Variants in TRIM36 observed in about 807,000 individuals in gnomAD.
TRIM36 encodes E3 ubiquitin-protein ligase TRIM36.
In TRIM36, 42 loss-of-function variants were observed where a neutral mutation model predicts 72.4. That is an observed-to-expected ratio of 0.58 (90% CI 0.45 to 0.75). The LOEUF is 0.75. TRIM36 is among the 30% of genes least tolerant of loss of function. The pLI, the probability that TRIM36 is intolerant of heterozygous loss-of-function variation, is 0.00. For synonymous variants in TRIM36, 315 were observed against 282.8 expected (o/e 1.11, Z -1.14); for missense variants, 913 against 857.1 (o/e 1.07, Z -0.81).
rs1020795807 is a variant in TRIM36 at position 115,163,465 on chromosome 5, A to G, written c.262+53T>C. On this transcript the variant is annotated intron_variant, in intron 2 of 9. Coordinates refer to ENST00000513154, the MANE Select transcript of TRIM36 (RefSeq NM_001300759.2). ...TTTCCTTCCAGTTACCACTGAATAT[A>G]TATCTATAAGCTTACCCCCACTACC... 1.0e-5 allele frequency: 15 copies of G among 1,457,904 alleles called. No individual in the cohort carries two copies. In the Admixed American group the frequency reaches 2.4e-4, roughly 23 times the overall value. 90.3% of individuals were successfully genotyped at this position (1,457,904 alleles called of 1,614,324 possible).
upstream of TRIM36, chr5:115,170,976 G>T: frequency 7.2e-7 from 1 of 1,389,174 alleles, no homozygotes. Context: ...ATTAATTTAG[G>T]ATTATTAGAT....
intron 1 of TRIM36, among the ~76,000 whole-genome samples, chr5:115,176,189 C>T (rs141246282): frequency 0.013 from 1,938 of 152,220 alleles, 33 homozygotes; most frequent in Non-Finnish European, 0.018. Flanking sequence ...CATTATCACC[C>T]CAGTTTAGAT....
At position 115,125,645 on chromosome 5, in the gene TRIM36, T is replaced by A. The variant is rs1016322925; in HGVS notation, c.*858A>T. 11 of 152,070 alleles carry A rather than the reference T, an allele frequency of 7.2e-5. No homozygotes were observed. Among genetic ancestry groups the A allele is most frequent in the African/African-American group, 2.4e-4 (10 of 41,446 alleles). 9.4% of individuals were successfully genotyped at this position (152,070 alleles called of 1,614,324 possible). ...GGGGGTAAAAGAATAAATATGACTT[T>A]TAATATCAGTCCATCTTTACCAATA... is the stretch of plus-strand genomic sequence containing the variant. On this transcript the variant is annotated 3_prime_UTR_variant, in exon 10 of 10. Transcript: ENST00000513154.
chr5:115,151,032 G>T (rs926742074), intron 2 of TRIM36, among the ~76,000 whole-genome samples: 2 of 152,180 alleles, frequency 1.3e-5, no homozygotes, highest in African/African-American at 4.8e-5. Context: ...AAGCCTCCTG[G>T]CCACAACTTG....
Position 115,169,679 on chromosome 5 carries a change from C to T in TRIM36, c.-45G>A. 1 of 1,514,282 alleles carries T rather than the reference C, an allele frequency of 6.6e-7. No homozygotes were observed. The highest frequency in any genetic ancestry group is 1.2e-5 in the South Asian group (1 of 80,798). 93.8% of individuals were successfully genotyped at this position (1,514,282 alleles called of 1,614,324 possible). A position where few individuals can be genotyped will look rare whatever the true frequency, so the allele number is the denominator to read the frequency against. On this transcript the variant is annotated 5_prime_UTR_variant, in exon 1 of 10. It adds an upstream start codon to the 5' untranslated region. Transcript: ENST00000513154. ...TCATCAGCGGCACGTTCCACTCACACCGGCTACCGAGCGCAGGGTCTGGTG... is the reference window on the plus strand; with the variant it reads ...TCATCAGCGGCACGTTCCACTCACATCGGCTACCGAGCGCAGGGTCTGGTG...
chr5:115,170,086 G>C, upstream of TRIM36: 1 of 613,802 alleles, frequency 1.6e-6, no homozygotes, highest in Non-Finnish European at 2.1e-6. Context: ...GCGTGGGTGT[G>C]GCACGCGGTT....
intron 3 of TRIM36, among the ~76,000 whole-genome samples, chr5:115,145,278 A>C (rs79323652): frequency 0.014 from 2,126 of 152,280 alleles, 53 homozygotes; most frequent in African/African-American, 0.049. Context: ...AAATGCACTG[A>C]CCAAATTTGG....
chr5:115,169,222 C>G, intron 1 of TRIM36: 1 of 203,124 alleles, frequency 4.9e-6, no homozygotes, highest in Non-Finnish European at 9.8e-6. Context: ...GACGCCTAGA[C>G]AAAGGGCGGC....
At chr5:115,143,065 CACAA>C (rs1441957764) in intron 4 of TRIM36, among the ~76,000 whole-genome samples, 1 of 151,936 alleles carries the variant, frequency 6.6e-6, no homozygotes, top group Admixed American at 6.6e-5. Context: ...ACTCCAGAGA[CACAA>C]ACAGTCTCCC....
rs931421716 is a variant in TRIM36, at chr5:115,126,420, C to T, written c.*83G>A. 20 of 1,084,472 alleles carry T rather than the reference C, an allele frequency of 1.8e-5. No homozygotes were observed. The highest frequency in any genetic ancestry group is 1.1e-4 in the African/African-American group (7 of 63,528). 67.2% of individuals were successfully genotyped at this position (1,084,472 alleles called of 1,614,324 possible). A position where few individuals can be genotyped will look rare whatever the true frequency, so the allele number is the denominator to read the frequency against. On this transcript the variant is annotated 3_prime_UTR_variant, in exon 10 of 10. Coordinates refer to ENST00000513154, the MANE Select transcript of TRIM36 (RefSeq NM_001300759.2). Reference sequence around the variant, plus strand: ...ACAAGTGGGGTGACAGAACACTCAGCGATATGTAATTAGTTACGAAGGTTA... The same window carrying T: ...ACAAGTGGGGTGACAGAACACTCAGTGATATGTAATTAGTTACGAAGGTTA...
intron 2 of TRIM36, among the ~76,000 whole-genome samples, chr5:115,156,032 C>G (rs530529308): frequency 5.3e-5 from 8 of 152,138 alleles, no homozygotes; most frequent in African/African-American, 1.9e-4. Flanking sequence ...AGAATCAAAT[C>G]AATAACTCAA....
upstream of TRIM36, chr5:115,169,919 G>T (rs533944331): frequency 8.4e-5 from 107 of 1,281,076 alleles, no homozygotes; most frequent in Non-Finnish European, 9.7e-5. Flanking sequence ...GGCTGGGAAC[G>T]GCGCCGCGCA....
At chr5:115,178,501 C>G (rs546715015) in intron 1 of TRIM36, among the ~76,000 whole-genome samples, 1 of 152,140 alleles carries the variant, frequency 6.6e-6, no homozygotes, top group Non-Finnish European at 1.5e-5. Context: ...CTTATCAGGA[C>G]TTCTCTTCCC....
At chr5:115,161,338 T>G (rs1318759653) in intron 2 of TRIM36, among the ~76,000 whole-genome samples, 5 of 152,220 alleles carry the variant, frequency 3.3e-5, no homozygotes, top group African/African-American at 9.7e-5. Flanking sequence ...AGAACTTCAG[T>G]GCTGGAGATA....
chr5:115,163,836 T>G, intron 1 of TRIM36, 84 bp from the exon 2 acceptor site: 1 of 1,033,354 alleles, frequency 9.7e-7, no homozygotes, highest in Middle Eastern at 2.1e-4. Flanking sequence ...AGTACATGTG[T>G]TTATTTTTCC....
intron 2 of TRIM36, among the ~76,000 whole-genome samples, chr5:115,154,459 A>G (rs1382355082): frequency 6.6e-6 from 1 of 152,224 alleles, no homozygotes; most frequent in Non-Finnish European, 1.5e-5. Context: ...TTAACTAAGA[A>G]GAGAGAAAAT....
At chr5:115,128,132 C>G (rs947169943) in intron 9 of TRIM36, among the ~76,000 whole-genome samples, 1 of 151,362 alleles carries the variant, frequency 6.6e-6, no homozygotes, top group African/African-American at 2.4e-5. Flanking sequence ...AATCCCAGCA[C>G]TTTGGGAGGC....
intron 2 of TRIM36, among the ~76,000 whole-genome samples, chr5:115,154,984 A>G (rs1354597553): frequency 6.6e-6 from 1 of 151,974 alleles, no homozygotes; most frequent in Non-Finnish European, 1.5e-5. Context: ...GTTGGACACC[A>G]GCCTGACCAA....
In TRIM36 at chr5:115,128,758, C is replaced by CAAAA. The variant is rs58384978; in HGVS notation, c.1796+1830_1796+1833dup. 5.5e-3 allele frequency among the ~76,000 whole-genome samples: 258 copies of CAAAA among 47,010 alleles called. 18 individuals carry two copies. Among genetic ancestry groups the CAAAA allele is most frequent in the African/African-American group, 0.017 (223 of 13,242 alleles). The allele number at this position is 47,010 out of a possible 152,430, so 30.8% of individuals were successfully genotyped here. On this transcript the variant is annotated intron_variant, in intron 9 of 9. Transcript: ENST00000513154. ...TGGGCGACAGAGCGAGACTCCGTCTCAAAAAAAAAAAAAAAAAAAAAAAAA... is the reference window on the plus strand; with the variant it reads ...TGGGCGACAGAGCGAGACTCCGTCTCAAAAAAAAAAAAAAAAAAAAAAAAAAAAA...
Sources: gnomAD v4.1 joint callset for allele counts (sites outside exome capture counted in the v4.1 genomes callset) on GRCh38, gnomAD v4.1.1 for gene constraint, MANE v1.5 for transcripts, NCBI Gene and HGNC (gene_info 2026-07-23, HGNC 2026-07-21) for gene names.